Variants in OR10A5 observed in about 807,000 individuals in gnomAD.
OR10A5 encodes olfactory receptor 10A5.
A neutral mutation model predicts 6.0 loss-of-function variants in OR10A5; 7 were observed. The ratio of observed to expected loss-of-function variants is 1.17; its 90% CI spans 0.66 to 2.20. The LOEUF (loss-of-function observed/expected upper bound fraction) is 2.20, where lower values mean the gene tolerates loss of function less well. Ranked by LOEUF, OR10A5 falls within the 30% of genes most tolerant of loss-of-function variation. The pLI is 0.00. For missense variants in OR10A5, 369 were observed against 378.1 expected, an observed-to-expected ratio of 0.98 and a Z score of 0.20; for synonymous variants, 149 against 148.8, an observed-to-expected ratio of 1.00 and a Z score of -0.01.
chr11:6,845,885 C>A lies in OR10A5; in HGVS notation c.203C>A (p.Ser68Tyr). The A allele has an allele frequency of 6.2e-7, 1 of 1,614,172 alleles. No homozygotes were observed. Among genetic ancestry groups the A allele is most frequent in the African/African-American group, 1.3e-5 (1 of 75,048 alleles). The change falls in exon 1 of 1, where the codon TCT becomes TAT. Residue 68 changes from serine (S) to tyrosine (Y), a missense_variant. By Grantham distance (144) the Ser-to-Tyr change is moderately radical (BLOSUM62 -2). Transcript: ENST00000299454. Reference protein sequence around the residue: ...SPMYFFLRNLSFLEIGFNLVI... With the variant: ...SPMYFFLRNLYFLEIGFNLVI... ...ATGTACTTCTTCCTCAGAAACTTATCTTTCCTGGAGATTGGCTTCAACCTA... is the reference window on the plus strand; with the variant it reads ...ATGTACTTCTTCCTCAGAAACTTATATTTCCTGGAGATTGGCTTCAACCTA...
In OR10A5 at chr11:6,846,622, A is replaced by T; in HGVS notation, c.940A>T (p.Asn314Tyr). 6.3e-7 allele frequency: 1 copy of T among 1,585,674 alleles called. No individual in the cohort carries two copies. The highest frequency in any genetic ancestry group is 1.1e-5 in the South Asian group (1 of 87,726). ...CTTCCACAAGGTCCTAGCCCTCAGA[A>T]ACTGTATCCCATAGACCTTAGGAAG... ...RTFHKVLALR[N>Y]CIP Residue 314 changes from asparagine (N) to tyrosine (Y), a missense_variant, in exon 1 of 1, where the codon AAC becomes TAC. Physicochemically the swap from Asn to Tyr is moderately radical, Grantham distance 143. Coordinates refer to ENST00000299454, the MANE Select transcript of OR10A5 (RefSeq NM_178168.1).
chr11:6,846,389 A>G lies in OR10A5; in HGVS notation c.707A>G (p.His236Arg), dbSNP rs769098951. The change falls in exon 1 of 1, where the codon CAT becomes CGT. Residue 236 changes from histidine to arginine, a missense_variant. His to Arg is a conservative substitution (Grantham distance 29). Transcript: ENST00000299454. ...AAGATCCCATCAGCTAAAGGGAAGC[A>G]TAAAGCCTTCTCTACGTGCTCCTCA... ...ILKIPSAKGK[H>R]KAFSTCSSHL... 5.0e-6 allele frequency: 8 copies of G among 1,614,104 alleles called. No individual in the cohort carries two copies. Among genetic ancestry groups the G allele is most frequent in the Non-Finnish European group, 6.8e-6 (8 of 1,180,040 alleles).
In OR10A5 at chr11:6,846,616, C is replaced by T; in HGVS notation, c.934C>T (p.Leu312Phe). ...CAGGACCTTCCACAAGGTCCTAGCC[C>T]TCAGAAACTGTATCCCATAGACCTT... ...LSRTFHKVLA[L>F]RNCIP The change falls in exon 1 of 1, where the codon CTC (leucine) becomes TTC (phenylalanine). Residue 312 changes from leucine to phenylalanine, a missense_variant. Leu to Phe is a conservative substitution (Grantham distance 22). Coordinates refer to ENST00000299454, the MANE Select transcript of OR10A5 (RefSeq NM_178168.1). The T allele has an allele frequency of 6.3e-7, 1 of 1,592,694 alleles. No homozygotes were observed.
chr11:6,846,514 T>C lies in OR10A5; in HGVS notation c.832T>C (p.Ser278Pro). Residue 278 changes from serine (S) to proline (P), a missense_variant, in exon 1 of 1, where the codon TCC becomes CCC. By Grantham distance (74) the Ser-to-Pro change is moderately conservative. Transcript: ENST00000299454. ...SPESKKLLSL[S>P]YTVVTPMLNP... ...TGAGAGCAAGAAGTTGTTATCATTA[T>C]CCTACACTGTTGTGACTCCCATGTT... The C allele has an allele frequency of 1.9e-6, 3 of 1,613,872 alleles. No individual in the cohort carries two copies. Among genetic ancestry groups the C allele is most frequent in the Non-Finnish European group, 2.5e-6 (3 of 1,179,716 alleles).
chr11:6,845,880 C>A lies in OR10A5; in HGVS notation c.198C>A (p.Asn66Lys), dbSNP rs1228571867. The A allele has an allele frequency of 2.5e-6, 4 of 1,614,172 alleles. No individual in the cohort carries two copies. In the East Asian group the frequency reaches 8.9e-5, roughly 36 times the overall value. ...GCCCCATGTACTTCTTCCTCAGAAA[C>A]TTATCTTTCCTGGAGATTGGCTTCA... ...LHSPMYFFLR[N>K]LSFLEIGFNL... The change falls in exon 1 of 1, where the codon AAC (asparagine) becomes AAA (lysine). Residue 66 changes from asparagine (N) to lysine (K), a missense_variant. By Grantham distance (94) the Asn-to-Lys change is moderately conservative. Transcript: ENST00000299454.
Position 6,845,907 on chromosome 11 carries a change from C to A in OR10A5, c.225C>A (p.Asn75Lys). ...TATCTTTCCTGGAGATTGGCTTCAA[C>A]CTAGTCATTGTGCCCAAAATGCTGG... is the stretch of plus-strand genomic sequence containing the variant. ...RNLSFLEIGF[N>K]LVIVPKMLGT... The change falls in exon 1 of 1, where the codon AAC (asparagine) becomes AAA (lysine). Residue 75 changes from asparagine (N) to lysine (K), a missense_variant. Coordinates refer to ENST00000299454, the MANE Select transcript of OR10A5 (RefSeq NM_178168.1). 3 of 1,614,170 alleles carry A rather than the reference C, an allele frequency of 1.9e-6. No homozygotes were observed. The highest frequency in any genetic ancestry group is 2.2e-5 in the East Asian group (1 of 44,884).
In OR10A5 at chr11:6,846,549, T is replaced by C. The variant is rs140028715; in HGVS notation, c.867T>C (p.Ile289=). ...TTGTGACTCCCATGTTGAACCCCAT[T>C]ATCTACAGCTTGAGAAATAGCGAGG... ...YTVVTPMLNP[I]IYSLRNSEVK... The change falls in exon 1 of 1, where the codon ATT becomes ATC. Residue 289 remains isoleucine (I), a synonymous_variant. Transcript: ENST00000299454. 6.2e-6 allele frequency: 10 copies of C among 1,613,906 alleles called. No individual in the cohort carries two copies. The African/African-American group carries it at 1.3e-4, about 22-fold the overall frequency.
Position 6,845,764 on chromosome 11 carries a change from C to A in OR10A5, c.82C>A (p.Leu28Ile). ...CCTACCTACTGAAATACAGTCATTG[C>A]TCTTCCTGACATTTCTAACTATCTA... The part of the protein sequence containing the change: ...SSLPTEIQSL[L>I]FLTFLTIYLV... Residue 28 changes from leucine (L) to isoleucine (I), a missense_variant, in exon 1 of 1, where the codon CTC becomes ATC. Leu to Ile is a conservative substitution (Grantham distance 5). Transcript: ENST00000299454. 6.2e-7 allele frequency: 1 copy of A among 1,613,106 alleles called. No homozygotes were observed. The highest frequency in any genetic ancestry group is 8.5e-7 in the Non-Finnish European group (1 of 1,179,046).
rs763783619 is a variant in OR10A5, at chr11:6,846,105, A to T, written c.423A>T (p.Thr141=). ...ACCCAGTCATCATGAACCAAAGGAC[A>T]CGGGCCAAACTGGCTGCTGCTTCCT... ...LHYPVIMNQR[T]RAKLAAASWF... is the part of the protein sequence containing the mutation. The change falls in exon 1 of 1, where the codon ACA becomes ACT. Residue 141 remains threonine (T), a synonymous_variant. Transcript: ENST00000299454. 2.4e-5 allele frequency: 39 copies of T among 1,614,226 alleles called. No individual in the cohort carries two copies. The highest frequency in any genetic ancestry group is 1.7e-4 in the Middle Eastern group (1 of 6,060).
At position 6,846,618 on chromosome 11, in the gene OR10A5, C is replaced by T. The variant is rs374008878; in HGVS notation, c.936C>T (p.Leu312=). 2 of 1,590,046 alleles carry T rather than the reference C, an allele frequency of 1.3e-6. No homozygotes were observed. The highest frequency in any genetic ancestry group is 1.7e-6 in the Non-Finnish European group (2 of 1,167,094). ...GGACCTTCCACAAGGTCCTAGCCCT[C>T]AGAAACTGTATCCCATAGACCTTAG... The part of the protein sequence containing the change: ...LSRTFHKVLA[L]RNCIP Residue 312 remains leucine, a synonymous_variant, in exon 1 of 1, where the codon CTC becomes CTT. Coordinates refer to ENST00000299454, the MANE Select transcript of OR10A5 (RefSeq NM_178168.1).
In OR10A5 at chr11:6,845,772, G is replaced by A. The variant is rs1407400598; in HGVS notation, c.90G>A (p.Leu30=). Residue 30 remains leucine, a synonymous_variant, in exon 1 of 1, where the codon CTG becomes CTA. Coordinates refer to ENST00000299454, the MANE Select transcript of OR10A5 (RefSeq NM_178168.1). ...LPTEIQSLLF[L]TFLTIYLVTL... ...CTGAAATACAGTCATTGCTCTTCCT[G>A]ACATTTCTAACTATCTATTTGGTTA... 1 of 1,613,362 alleles carries A rather than the reference G, an allele frequency of 6.2e-7. No homozygotes were observed. The highest frequency in any genetic ancestry group is 2.2e-5 in the East Asian group (1 of 44,896).
Position 6,845,813 on chromosome 11 carries a change from G to T in OR10A5, c.131G>T (p.Ser44Ile). Residue 44 changes from serine (S) to isoleucine (I), a missense_variant, in exon 1 of 1, where the codon AGC becomes ATC. Physicochemically the swap from Ser to Ile is moderately radical, Grantham distance 142 (BLOSUM62 -2). Transcript: ENST00000299454. ...TIYLVTLKGN[S>I]LIILVTLADP... ...TATTTGGTTACTCTGAAGGGAAACA[G>T]CCTCATCATTCTGGTTACCCTAGCT... The T allele has an allele frequency of 6.2e-7, 1 of 1,614,116 alleles. No individual in the cohort carries two copies. Among genetic ancestry groups the T allele is most frequent in the East Asian group, 2.2e-5 (1 of 44,878 alleles).
chr11:6,846,312 C>T lies in OR10A5; in HGVS notation c.630C>T (p.Ile210=). ...AIVGTILVVM[I]PCLLILCSYT... is the part of the protein sequence containing the mutation. ...TCGGAACCATTCTGGTGGTCATGAT[C>T]CCCTGCTTGCTGATCTTGTGTTCCT... is the stretch of plus-strand genomic sequence containing the variant. The change falls in exon 1 of 1, where the codon ATC becomes ATT. Residue 210 remains isoleucine (I), a synonymous_variant. Coordinates refer to ENST00000299454, the MANE Select transcript of OR10A5 (RefSeq NM_178168.1). 1 of 1,614,190 alleles carries T rather than the reference C, an allele frequency of 6.2e-7. No homozygotes were observed. Among genetic ancestry groups the T allele is most frequent in the African/African-American group, 1.3e-5 (1 of 75,058 alleles).
rs747275700 is a variant in OR10A5 at position 6,846,339 on chromosome 11, T to C, written c.657T>C (p.Tyr219=). The part of the protein sequence containing the change: ...MIPCLLILCS[Y]TRIAAAILKI... ...CCTGCTTGCTGATCTTGTGTTCCTATACTCGCATTGCTGCTGCTATCCTCA... is the reference window on the plus strand; with the variant it reads ...CCTGCTTGCTGATCTTGTGTTCCTACACTCGCATTGCTGCTGCTATCCTCA... Residue 219 remains tyrosine, a synonymous_variant, in exon 1 of 1, where the codon TAT becomes TAC. Coordinates refer to ENST00000299454, the MANE Select transcript of OR10A5 (RefSeq NM_178168.1). 3.7e-6 allele frequency: 6 copies of C among 1,614,088 alleles called. No homozygotes were observed. The East Asian group carries it at 6.7e-5, about 18-fold the overall frequency.
Position 6,846,439 on chromosome 11 carries a change from T to TA in OR10A5, c.758dup (p.Tyr253Ter). The change falls in exon 1 of 1, where the codon TAT becomes TAAT. Residue 253 changes from tyrosine to a stop codon, truncating the protein, a stop_gained and frameshift_variant. Coordinates refer to ENST00000299454, the MANE Select transcript of OR10A5 (RefSeq NM_178168.1). LOFTEE classifies it low-confidence loss of function (END_TRUNC). ...SSHLLVVSLF[Y>*]ISSSLTYFWP... ...ACACCTCCTTGTTGTCTCTCTTTTC[T>TA]ATATATCTTCTAGCCTCACCTACTT... 1 of 1,614,176 alleles carries TA rather than the reference T, an allele frequency of 6.2e-7. No homozygotes were observed.
At position 6,845,739 on chromosome 11, in the gene OR10A5, C is replaced by T. The variant is rs374173780; in HGVS notation, c.57C>T (p.Ser19=). ...AATTTATCCTCATGAGCTTCTCTTCCCTACCTACTGAAATACAGTCATTGC... is the reference window on the plus strand; with the variant it reads ...AATTTATCCTCATGAGCTTCTCTTCTCTACCTACTGAAATACAGTCATTGC... ...ISEFILMSFS[S]LPTEIQSLLF... is the part of the protein sequence containing the mutation. Residue 19 remains serine (S), a synonymous_variant, in exon 1 of 1, where the codon TCC becomes TCT. Transcript: ENST00000299454. 3.9e-4 allele frequency: 621 copies of T among 1,612,848 alleles called. 1 individual carries two copies. Among genetic ancestry groups the T allele is most frequent in the Non-Finnish European group, 5.1e-4 (607 of 1,178,986 alleles).
In OR10A5 at chr11:6,846,338, A is replaced by G. The variant is rs1233889879; in HGVS notation, c.656A>G (p.Tyr219Cys). 6.2e-6 allele frequency: 10 copies of G among 1,613,988 alleles called. No homozygotes were observed. Among genetic ancestry groups the G allele is most frequent in the Middle Eastern group, 1.6e-4 (1 of 6,084 alleles). The change falls in exon 1 of 1, where the codon TAT becomes TGT. Residue 219 changes from tyrosine (Y) to cysteine (C), a missense_variant. Coordinates refer to ENST00000299454, the MANE Select transcript of OR10A5 (RefSeq NM_178168.1). ...CCCTGCTTGCTGATCTTGTGTTCCT[A>G]TACTCGCATTGCTGCTGCTATCCTC... The part of the protein sequence containing the change: ...MIPCLLILCS[Y>C]TRIAAAILKI...
rs1848208716 is a variant in OR10A5, at chr11:6,846,113, A to C, written c.431A>C (p.Lys144Thr). 6.2e-7 allele frequency: 1 copy of C among 1,614,234 alleles called. No individual in the cohort carries two copies. Among genetic ancestry groups the C allele is most frequent in the East Asian group, 2.2e-5 (1 of 44,888 alleles). Residue 144 changes from lysine to threonine, a missense_variant, in exon 1 of 1, where the codon AAA (lysine) becomes ACA (threonine). Physicochemically the swap from Lys to Thr is moderately conservative, Grantham distance 78 (BLOSUM62 -1). Coordinates refer to ENST00000299454, the MANE Select transcript of OR10A5 (RefSeq NM_178168.1). ...ATCATGAACCAAAGGACACGGGCCA[A>C]ACTGGCTGCTGCTTCCTGGTTCCCA... ...PVIMNQRTRA[K>T]LAAASWFPGF...
Position 6,846,186 on chromosome 11 carries a change from A to C in OR10A5, c.504A>C (p.Pro168=). The C allele has an allele frequency of 1.9e-6, 3 of 1,614,078 alleles. No individual in the cohort carries two copies. Among genetic ancestry groups the C allele is most frequent in the Non-Finnish European group, 2.5e-6 (3 of 1,180,014 alleles). ...AGACCACATGGCTCTTCAGTTTTCCATTCTGTGGCACCAACAAGGTGAACC... is the reference window on the plus strand; with the variant it reads ...AGACCACATGGCTCTTCAGTTTTCCCTTCTGTGGCACCAACAAGGTGAACC... ...TVQTTWLFSF[P]FCGTNKVNHF... is the part of the protein sequence containing the mutation. Residue 168 remains proline, a synonymous_variant, in exon 1 of 1, where the codon CCA becomes CCC. Transcript: ENST00000299454.
Sources: gnomAD v4.1 joint callset for allele counts on GRCh38, gnomAD v4.1.1 for gene constraint, MANE v1.5 for transcripts, NCBI Gene and HGNC (gene_info 2026-07-23, HGNC 2026-07-21) for gene names.